DNAH8: variants seen among roughly 807,000 people sequenced by gnomAD.
DNAH8 encodes axonemal beta dynein heavy chain 8.
Under a neutral mutation model 562.1 loss-of-function variants are expected in DNAH8, and 382 were observed. That is an observed-to-expected ratio of 0.68 (90% CI 0.63 to 0.74). The LOEUF (loss-of-function observed/expected upper bound fraction) is 0.74, where lower values mean the gene tolerates loss of function less well. Ranked by LOEUF, DNAH8 falls within the 30% of genes least tolerant of loss-of-function variation. The probability of loss-of-function intolerance (pLI) is 0.00; values close to 1 mark genes in which losing one functional copy is unlikely to be tolerated. For missense variants in DNAH8, 5,203 were observed against 5,620.4 expected (o/e 0.93, Z 2.37); for synonymous variants, 1,881 against 1,919.4 (o/e 0.98, Z 0.52).
Position 38,868,069 on chromosome 6 carries a change from A to T in DNAH8, c.6701A>T (p.Tyr2234Phe). ...CCTCTTCTCCCATCTCAGGTTCATTATGACTTTGGATTGAGAAATATTCTG... is the reference window on the plus strand; with the variant it reads ...CCTCTTCTCCCATCTCAGGTTCATTTTGACTTTGGATTGAGAAATATTCTG... Reference protein sequence around the residue: ...CEEQLTKQVHYDFGLRNILSV... With the variant: ...CEEQLTKQVHFDFGLRNILSV... The change falls in exon 48 of 93, where the codon TAT (tyrosine) becomes TTT (phenylalanine). Residue 2234 changes from tyrosine to phenylalanine, a missense_variant. Tyr to Phe is a conservative substitution (Grantham distance 22). Coordinates refer to ENST00000327475, the MANE Select transcript of DNAH8 (RefSeq NM_001206927.2). 5 of 1,607,702 alleles carry T rather than the reference A, an allele frequency of 3.1e-6. No homozygotes were observed. The South Asian group carries it at 5.6e-5, about 18-fold the overall frequency.
chr6:38,805,805 A>G (rs1298134367), intron 23 of DNAH8, among the ~76,000 whole-genome samples: 5 of 152,190 alleles, frequency 3.3e-5, no homozygotes, highest in Admixed American at 2.0e-4. Flanking sequence ...GATTCTGTCA[A>G]TTACAGTTTA....
intron 84 of DNAH8, 71 bp from the exon 85 acceptor site, chr6:38,974,303 A>C (rs1763534745): frequency 8.3e-7 from 1 of 1,204,092 alleles, no homozygotes; most frequent in Admixed American, 2.3e-5. Flanking sequence ...ATTCAGCCTA[A>C]TATTGTAATT....
chr6:39,024,011 G>T (rs1454859247), intron 91 of DNAH8, among the ~76,000 whole-genome samples: 1 of 152,222 alleles, frequency 6.6e-6, no homozygotes, highest in African/African-American at 2.4e-5. Flanking sequence ...TTAGGGAGAA[G>T]ATAAGACATG....
At chr6:38,883,553 T>C (rs997357319) in intron 55 of DNAH8, 97 bp downstream of exon 55, 2 of 1,309,660 alleles carry the variant, frequency 1.5e-6, no homozygotes, top group Admixed American at 2.5e-5. Flanking sequence ...GAAAATATTA[T>C]ATATTCAAAA....
At chr6:39,008,047 G>A (rs376291003) in intron 88 of DNAH8, among the ~76,000 whole-genome samples, 58 of 149,980 alleles carry the variant, frequency 3.9e-4, no homozygotes, top group African/African-American at 1.2e-3. Context: ...GTGTCTGGTC[G>A]ACCTGAAAGA....
rs562711433 is a variant in DNAH8 at position 39,026,062 on chromosome 6, T to A, written c.13715-484T>A. Among the ~76,000 whole-genome samples, 3 of 152,356 alleles carry A rather than the reference T, an allele frequency of 2.0e-5. No individual in the cohort carries two copies. In the South Asian group the frequency reaches 6.2e-4, roughly 32 times the overall value. Reference sequence around the variant, plus strand: ...TGTTTGGTCAAATTGAAAGTCAGGTTTTCTATTTTGGCATTATGCCTTATT... The same window carrying A: ...TGTTTGGTCAAATTGAAAGTCAGGTATTCTATTTTGGCATTATGCCTTATT... On this transcript the variant is annotated intron_variant, in intron 91 of 92. Transcript: ENST00000327475.
Position 38,929,716 on chromosome 6 carries a change from GA to G in DNAH8, c.11274+57del, listed in dbSNP as rs757919044. ...AAGAAAGAAAGAAAGAAAAGAAAAAGAAAAAAAGAAAAAAATTAAGAAAGAG... is the reference window on the plus strand; with the variant it reads ...AAGAAAGAAAGAAAGAAAAGAAAAAGAAAAAAGAAAAAAATTAAGAAAGAG... On this transcript the variant is annotated intron_variant, in intron 75 of 92. Coordinates refer to ENST00000327475, the MANE Select transcript of DNAH8 (RefSeq NM_001206927.2). The G allele has an allele frequency of 1.1e-4, 147 of 1,379,734 alleles. 1 individual carries two copies. The highest frequency in any genetic ancestry group is 7.4e-4 in the African/African-American group (49 of 65,950). The allele number at this position is 1,379,734 out of a possible 1,614,324, so 85.5% of individuals were successfully genotyped here.
intron 4 of DNAH8, 126 bp downstream of exon 4, chr6:38,730,112 A>G: frequency 1.7e-6 from 1 of 576,286 alleles, no homozygotes; most frequent in Non-Finnish European, 3.1e-6. Context: ...GTTTATGTAT[A>G]AGAAATATAG....
In DNAH8 at chr6:38,945,481, G is replaced by A. The variant is rs1389149617; in HGVS notation, c.12022G>A (p.Asp4008Asn). Reference protein sequence around the residue: ...QALIKGGAALDLKACPPKPYR... With the variant: ...QALIKGGAALNLKACPPKPYR... The stretch of plus-strand genomic sequence containing the variant: ...CTCTTCCCCAGGGGGAGCAGCTCTG[G>A]ACCTGAAAGCCTGTCCTCCCAAACC... The change falls in exon 80 of 93, where the codon GAC becomes AAC. Residue 4008 changes from aspartate to asparagine, a missense_variant. This residue lies in a region of DNAH8 where 1,399 missense variants were observed against 1,518.4 expected (regional missense o/e 0.92). Transcript: ENST00000327475. The A allele has an allele frequency of 3.7e-6, 6 of 1,614,114 alleles. No individual in the cohort carries two copies. In the South Asian group the frequency reaches 4.4e-5, roughly 12 times the overall value.
At chr6:38,780,175 C>G in intron 15 of DNAH8, 110 bp downstream of exon 15, 1 of 1,066,778 alleles carries the variant, frequency 9.4e-7, no homozygotes, top group Non-Finnish European at 1.4e-6. Flanking sequence ...GATTCTTTCT[C>G]TGCTAAGGAG....
chr6:38,834,186 C>G (rs1039784338), intron 31 of DNAH8, among the ~76,000 whole-genome samples: 4 of 152,140 alleles, frequency 2.6e-5, no homozygotes, highest in African/African-American at 7.2e-5. Context: ...CATTTGTAAT[C>G]ATAAATGAAA....
chr6:38,799,905 C>T (rs1182821499), intron 21 of DNAH8, among the ~76,000 whole-genome samples: 1 of 152,102 alleles, frequency 6.6e-6, no homozygotes, highest in Admixed American at 6.6e-5. Flanking sequence ...GGAGTGTTTT[C>T]AAAATTTATT....
rs900386563 is a variant in DNAH8 at position 38,859,019 on chromosome 6, A to G, written c.5958+1277A>G. On this transcript the variant is annotated intron_variant, in intron 42 of 92. Transcript: ENST00000327475. ...AAACCTGTACATAAGGAAAACTATG[A>G]AACCATTTTCTTTTATCTTAATCAC... Among the ~76,000 whole-genome samples, 61 of 152,340 alleles carry G rather than the reference A, an allele frequency of 4.0e-4. 1 individual carries two copies. The highest frequency in any genetic ancestry group is 5.6e-4 in the Non-Finnish European group (38 of 68,026).
chr6:38,811,850 G>A (rs907672271), intron 24 of DNAH8, among the ~76,000 whole-genome samples: 37 of 152,036 alleles, frequency 2.4e-4, no homozygotes, highest in Admixed American at 3.9e-4. Context: ...ATGACACTTG[G>A]AACCCTGAGT....
At chr6:38,957,489 C>T (rs979177631) in intron 82 of DNAH8, among the ~76,000 whole-genome samples, 3 of 151,698 alleles carry the variant, frequency 2.0e-5, no homozygotes, top group African/African-American at 7.3e-5. Flanking sequence ...ACCTAACAGA[C>T]ATTTACAGAA....
chr6:38,881,769 G>A (rs572739509), intron 53 of DNAH8, among the ~76,000 whole-genome samples: 1 of 152,006 alleles, frequency 6.6e-6, no homozygotes, highest in East Asian at 1.9e-4. Context: ...CAGGCTGGTC[G>A]CGAACTTCCA....
chr6:38,832,237 A>AG (rs1439797643), intron 30 of DNAH8, 85 bp from the exon 31 acceptor site: 37 of 776,972 alleles, frequency 4.8e-5, no homozygotes, highest in African/African-American at 3.3e-4. Context: ...GATATCTGTG[A>AG]GATACACTTG....
chr6:38,880,155 G>T (rs1778359616), intron 53 of DNAH8, among the ~76,000 whole-genome samples: 2 of 152,216 alleles, frequency 1.3e-5, no homozygotes, highest in Non-Finnish European at 2.9e-5. Context: ...GCTGAGGCAT[G>T]AGAATAGCTT....
At chr6:38,789,276 A>G (rs1769470269) in intron 18 of DNAH8, among the ~76,000 whole-genome samples, 1 of 152,232 alleles carries the variant, frequency 6.6e-6, no homozygotes, top group East Asian at 1.9e-4. Context: ...GAGATAAAGT[A>G]ACTCGAATCT....
Sources: allele counts gnomAD v4.1 joint callset (sites outside exome capture counted in the v4.1 genomes callset), GRCh38; gene constraint gnomAD v4.1.1; regional missense constraint gnomAD v4.1.1; transcripts MANE v1.5; gene names NCBI Gene and HGNC (gene_info 2026-07-23, HGNC 2026-07-21).